Variants in ERP44 observed in about 807,000 individuals in gnomAD.
ERP44 encodes the protein endoplasmic reticulum resident protein 44.
In ERP44, 25 loss-of-function variants were observed where a neutral mutation model predicts 53.4. The ratio of observed to expected loss-of-function variants is 0.47; its 90% CI spans 0.34 to 0.65. The LOEUF is 0.65. Ranked by LOEUF, ERP44 falls within the 30% of genes least tolerant of loss-of-function variation. The probability of loss-of-function intolerance (pLI) is 0.01; values close to 1 mark genes in which losing one functional copy is unlikely to be tolerated. For missense variants in ERP44, 338 were observed against 493.2 expected, an observed-to-expected ratio of 0.69 and a Z score of 2.98; for synonymous variants, 145 against 161.2, an observed-to-expected ratio of 0.90 and a Z score of 0.76.
intron 1 of ERP44, among the ~76,000 whole-genome samples, chr9:100,069,161 C>G (rs1033760846): frequency 3.3e-5 from 5 of 151,812 alleles, no homozygotes; most frequent in Non-Finnish European, 5.9e-5. Flanking sequence ...TGCGGAAGGC[C>G]GCAGGGTCCT....
At chr9:100,010,585 A>G (rs1398565068) in intron 8 of ERP44, among the ~76,000 whole-genome samples, 2 of 152,040 alleles carry the variant, frequency 1.3e-5, no homozygotes. Flanking sequence ...AACTAAACAT[A>G]CCTGAGGCCT....
intron 1 of ERP44, among the ~76,000 whole-genome samples, chr9:100,063,458 G>GT (rs908234621): frequency 7.9e-5 from 12 of 151,734 alleles, no homozygotes; most frequent in Non-Finnish European, 1.2e-4. Flanking sequence ...CGGACAAATT[G>GT]TTTTTTTTCC....
intron 1 of ERP44, among the ~76,000 whole-genome samples, chr9:100,093,239 C>T (rs955758938): frequency 6.6e-6 from 1 of 152,168 alleles, no homozygotes; most frequent in African/African-American, 2.4e-5. Context: ...AGGGTTTTTA[C>T]AAATTTTAAC....
intron 4 of ERP44, among the ~76,000 whole-genome samples, chr9:100,044,237 A>G (rs1185621548): frequency 6.6e-6 from 1 of 152,146 alleles, no homozygotes; most frequent in Non-Finnish European, 1.5e-5. Flanking sequence ...CTGTTCAACA[A>G]TTACAACTGA....
intron 10 of ERP44, among the ~76,000 whole-genome samples, chr9:100,001,980 T>C (rs1002381631): frequency 6.6e-6 from 1 of 152,128 alleles, no homozygotes; most frequent in African/African-American, 2.4e-5. Flanking sequence ...TTCGTGTATT[T>C]ACTAAAGTTT....
intron 11 of ERP44, among the ~76,000 whole-genome samples, chr9:99,983,551 CAAAAAAA>C (rs59132233): frequency 1.8e-4 from 12 of 66,976 alleles, no homozygotes; most frequent in African/African-American, 6.8e-4. Flanking sequence ...GACTCCGTCT[CAAAAAAA>C]AAAAAAAAAA....
intron 7 of ERP44, 36 bp downstream of exon 7, chr9:100,018,214 AAATTAT>A: frequency 1.7e-6 from 2 of 1,203,938 alleles, no homozygotes; most frequent in Non-Finnish European, 2.5e-6. Flanking sequence ...GCATGTATTT[AAATTAT>A]ATCTTATCAT....
chr9:100,092,474 A>G (rs1338635352), intron 1 of ERP44, among the ~76,000 whole-genome samples: 1 of 152,222 alleles, frequency 6.6e-6, no homozygotes, highest in Admixed American at 6.5e-5. Context: ...GACAAGAAAA[A>G]CAAGTAATTT....
chr9:100,074,090 C>T (rs1209888714), intron 1 of ERP44, among the ~76,000 whole-genome samples: 1 of 152,170 alleles, frequency 6.6e-6, no homozygotes, highest in Non-Finnish European at 1.5e-5. Context: ...CCTTAAAAAG[C>T]CATGATCCAT....
intron 3 of ERP44, among the ~76,000 whole-genome samples, chr9:100,052,741 T>C (rs1826051718): frequency 6.6e-6 from 1 of 152,188 alleles, no homozygotes; most frequent in Non-Finnish European, 1.5e-5. Context: ...TAAGAATGTA[T>C]AATAGATTTT....
At chr9:100,076,900 G>A in intron 1 of ERP44, among the ~76,000 whole-genome samples, 1 of 152,216 alleles carries the variant, frequency 6.6e-6, no homozygotes, top group Middle Eastern at 3.2e-3. Flanking sequence ...AAGTGGCCAT[G>A]GTGGCAGGGA....
In ERP44 at chr9:100,020,735, T is replaced by TA; in HGVS notation, c.472-5dup. ...CAATGATATTTCTTTTGCTGCGCTGTAAAATAAAGTATGCAATTATTTTGC... is the reference window on the plus strand; with the variant it reads ...CAATGATATTTCTTTTGCTGCGCTGTAAAAATAAAGTATGCAATTATTTTGC... On this transcript the variant is annotated splice_polypyrimidine_tract_variant and splice_region_variant and intron_variant, in intron 5 of 11. Coordinates refer to ENST00000262455, the MANE Select transcript of ERP44 (RefSeq NM_015051.3). 7.0e-7 allele frequency: 1 copy of TA among 1,430,080 alleles called. No individual in the cohort carries two copies. Among genetic ancestry groups the TA allele is most frequent in the Non-Finnish European group, 9.8e-7 (1 of 1,015,852 alleles). 88.6% of individuals were successfully genotyped at this position (1,430,080 alleles called of 1,614,324 possible).
At chr9:100,037,652 C>T (rs577573021) in intron 4 of ERP44, among the ~76,000 whole-genome samples, 16 of 152,272 alleles carry the variant, frequency 1.1e-4, no homozygotes, top group Admixed American at 3.3e-4. Flanking sequence ...GGGATACCAG[C>T]TCAGTCACAG....
At chr9:100,060,617 C>A (rs1826136478) in intron 1 of ERP44, among the ~76,000 whole-genome samples, 1 of 152,084 alleles carries the variant, frequency 6.6e-6, no homozygotes, top group African/African-American at 2.4e-5. Context: ...AAGACTTTTG[C>A]AAGTTGTAAA....
chr9:100,025,739 C>T (rs1388907424), intron 4 of ERP44, among the ~76,000 whole-genome samples: 2 of 151,962 alleles, frequency 1.3e-5, no homozygotes, highest in Non-Finnish European at 1.5e-5. Context: ...AAAAAGATGC[C>T]TGCTATCACT....
At chr9:99,998,790 G>A (rs1033162252) in intron 10 of ERP44, 10 of 902,492 alleles carry the variant, frequency 1.1e-5, no homozygotes, top group South Asian at 4.5e-5. Flanking sequence ...CGTTCTTCTC[G>A]CTTCTCTTCT....
chr9:100,023,204 G>T (rs1437701695), intron 4 of ERP44, among the ~76,000 whole-genome samples: 1 of 151,976 alleles, frequency 6.6e-6, no homozygotes, highest in East Asian at 1.9e-4. Context: ...TCTTTGGGGT[G>T]CTATAAAGAT....
intron 1 of ERP44, among the ~76,000 whole-genome samples, chr9:100,098,427 T>A (rs1336792426): frequency 6.6e-6 from 1 of 151,966 alleles, no homozygotes; most frequent in African/African-American, 2.4e-5. Context: ...ATGGAGAGGG[T>A]GGGAAGGAAC....
At chr9:100,097,948 A>G (rs1186251366) in intron 1 of ERP44, among the ~76,000 whole-genome samples, 1 of 152,216 alleles carries the variant, frequency 6.6e-6, no homozygotes, top group Non-Finnish European at 1.5e-5. Flanking sequence ...ATTATAATTA[A>G]CAGCCCAATT....
Sources: gnomAD v4.1 joint callset for allele counts (sites outside exome capture counted in the v4.1 genomes callset) on GRCh38, gnomAD v4.1.1 for gene constraint, MANE v1.5 for transcripts, NCBI Gene and HGNC (gene_info 2026-07-23, HGNC 2026-07-21) for gene names.